The following HYCC1 variants were observed in gnomAD, a reference collection of about 807,000 sequenced individuals.
HYCC1 encodes the protein hyccin PI4KA lipid kinase complex subunit 1.
the HYCC1 span, among the ~76,000 whole-genome samples, chr7:22,999,681 A>G: frequency 2.0e-5 from 3 of 152,160 alleles, no homozygotes; most frequent in Non-Finnish European, 4.4e-5. Flanking sequence ...GCAAAAAGTC[A>G]ATACTAGTAT....
chr7:22,967,283 C>A, the HYCC1 span, among the ~76,000 whole-genome samples: 1 of 152,124 alleles, frequency 6.6e-6, no homozygotes, highest in African/African-American at 2.4e-5. Flanking sequence ...AGCGGAGAGT[C>A]AGAGAGGAAT....
chr7:22,898,751 C>T, the HYCC1 span, among the ~76,000 whole-genome samples: 2 of 151,852 alleles, frequency 1.3e-5, no homozygotes, highest in South Asian at 2.1e-4. Context: ...TACAGGCGCC[C>T]GCCACCACAC....
At chr7:22,953,632 G>A in the HYCC1 span, among the ~76,000 whole-genome samples, 2 of 151,792 alleles carry the variant, frequency 1.3e-5, no homozygotes, top group Admixed American at 1.3e-4. Context: ...ATGTATTTCA[G>A]CTCTTTGGTT....
chr7:22,940,192 C>T, the HYCC1 span: 1 of 144,314 alleles, frequency 6.9e-6, no homozygotes, highest in Non-Finnish European at 1.5e-5. Flanking sequence ...TAATCAACTA[C>T]AAGCCAGGAA....
chr7:22,976,556 T>C, the HYCC1 span: 2 of 709,984 alleles, frequency 2.8e-6, no homozygotes, highest in South Asian at 3.2e-5. Context: ...TAGATCTGTT[T>C]TTCTCTTGTA....
chr7:22,945,506 AT>A, the HYCC1 span: 2 of 1,022,110 alleles, frequency 2.0e-6, no homozygotes, highest in Non-Finnish European at 3.1e-6. Context: ...AGGAATACGG[AT>A]GAAAGACCCA....
the HYCC1 span, among the ~76,000 whole-genome samples, chr7:22,902,767 G>A: frequency 1.3e-5 from 2 of 151,908 alleles, no homozygotes; most frequent in African/African-American, 4.8e-5. Flanking sequence ...AAAAATTAAG[G>A]CAAACTGTAT....
chr7:22,930,387 G>GAAAAAAAAAAAAAAA, the HYCC1 span, among the ~76,000 whole-genome samples: 1 of 98,788 alleles, frequency 1.0e-5, no homozygotes, highest in Non-Finnish European at 2.2e-5. Flanking sequence ...AAAAGAAAAA[G>GAAAAAAAAAAAAAAA]AAAAAGAAAA....
the HYCC1 span, among the ~76,000 whole-genome samples, chr7:22,932,915 A>G: frequency 1.3e-5 from 2 of 152,172 alleles, no homozygotes; most frequent in African/African-American, 4.8e-5. Context: ...CCTAAATCCA[A>G]TAACTGGTGT....
the HYCC1 span, among the ~76,000 whole-genome samples, chr7:23,003,411 T>TC: frequency 6.6e-6 from 1 of 151,076 alleles, no homozygotes; most frequent in African/African-American, 2.4e-5. Flanking sequence ...TCAAGGTAAA[T>TC]CAGAATATAA....
At chr7:22,981,380 A>C in the HYCC1 span, among the ~76,000 whole-genome samples, 2 of 152,220 alleles carry the variant, frequency 1.3e-5, no homozygotes, top group African/African-American at 4.8e-5. Context: ...AATTTCAAAA[A>C]TTCTGGAAAA....
the HYCC1 span, among the ~76,000 whole-genome samples, chr7:22,968,417 A>G: frequency 2.0e-5 from 3 of 152,210 alleles, no homozygotes; most frequent in African/African-American, 7.2e-5. Flanking sequence ...AGACAGAAGC[A>G]ACTTGAACAC....
the HYCC1 span, among the ~76,000 whole-genome samples, chr7:23,001,796 T>C: frequency 6.6e-6 from 1 of 152,112 alleles, no homozygotes; most frequent in African/African-American, 2.4e-5. Flanking sequence ...AACATGGGTG[T>C]GACTGAAGTT....
At chr7:22,982,952 A>AT in the HYCC1 span, among the ~76,000 whole-genome samples, 126 of 151,600 alleles carry the variant, frequency 8.3e-4, no homozygotes, top group Non-Finnish European at 2.4e-4. Context: ...CCTATTTCCA[A>AT]TTTTTTTTCT....
the HYCC1 span, among the ~76,000 whole-genome samples, chr7:22,920,635 G>A: frequency 6.6e-6 from 1 of 152,182 alleles, no homozygotes; most frequent in African/African-American, 2.4e-5. Context: ...TCTTCAGGCT[G>A]AAAGCAAGTA....
chr7:23,003,288 A>T, the HYCC1 span, among the ~76,000 whole-genome samples: 8 of 152,112 alleles, frequency 5.3e-5, no homozygotes, highest in Admixed American at 2.0e-4. Context: ...TAGATACTAG[A>T]TTTACAAAAA....
At chr7:22,939,862 T>A in the HYCC1 span, 2 of 152,164 alleles carry the variant, frequency 1.3e-5, no homozygotes, top group Non-Finnish European at 2.9e-5. Flanking sequence ...GAGGATAAGA[T>A]GATCATTTTA....
chr7:22,972,383 G>A, the HYCC1 span, among the ~76,000 whole-genome samples: 1 of 152,258 alleles, frequency 6.6e-6, no homozygotes. Context: ...GGAACTCACA[G>A]CTATCCATAT....
At chr7:22,990,449 T>C in the HYCC1 span, among the ~76,000 whole-genome samples, 16 of 152,212 alleles carry the variant, frequency 1.1e-4, no homozygotes, top group Non-Finnish European at 2.4e-4. Context: ...GCCCAAACTC[T>C]TCATTCCTGT....
Sources: allele counts gnomAD v4.1 joint callset (sites outside exome capture counted in the v4.1 genomes callset), GRCh38; gene constraint gnomAD v4.1.1; transcripts MANE v1.5; gene names NCBI Gene and HGNC (gene_info 2026-07-23, HGNC 2026-07-21).